AKAP9: variants seen among roughly 807,000 people sequenced by gnomAD.
AKAP9 encodes the protein A-kinase anchoring protein 9.
Under a neutral mutation model 488.5 loss-of-function variants are expected in AKAP9, and 311 were observed. The ratio of observed to expected loss-of-function variants is 0.64; its 90% CI spans 0.58 to 0.70. The LOEUF (loss-of-function observed/expected upper bound fraction) is 0.70, where lower values mean the gene tolerates loss of function less well. Ranked by LOEUF, AKAP9 falls within the 30% of genes least tolerant of loss-of-function variation. AKAP9 has a pLI of 0.00. For synonymous variants in AKAP9, 1,462 were observed against 1,483.5 expected (o/e 0.99, Z 0.33); for missense variants, 4,215 against 4,374.5 (o/e 0.96, Z 1.03).
intron 12 of AKAP9, among the ~76,000 whole-genome samples, chr7:92,021,620 G>C (rs1802325842): frequency 6.6e-6 from 1 of 151,936 alleles, no homozygotes; most frequent in Non-Finnish European, 1.5e-5. Flanking sequence ...TGTATTTTTA[G>C]TAGAGATGGG....
chr7:92,056,465 G>T (rs1307285672), intron 22 of AKAP9, among the ~76,000 whole-genome samples: 1 of 151,738 alleles, frequency 6.6e-6, no homozygotes, highest in Non-Finnish European at 1.5e-5. Flanking sequence ...AGCTGCAGCA[G>T]TGATAAGATT....
intron 22 of AKAP9, among the ~76,000 whole-genome samples, chr7:92,056,161 G>A (rs1453357730): frequency 6.6e-6 from 1 of 151,760 alleles, no homozygotes; most frequent in Admixed American, 6.6e-5. Flanking sequence ...TTACTTTTTT[G>A]AGTCCATTTT....
intron 1 of AKAP9, among the ~76,000 whole-genome samples, chr7:91,947,427 C>T (rs1791599805): frequency 6.6e-6 from 1 of 152,090 alleles, no homozygotes; most frequent in South Asian, 2.1e-4. Flanking sequence ...ACTGCAACCT[C>T]CACCTCCTGG....
At chr7:92,032,465 C>T (rs1023896520) in intron 16 of AKAP9, among the ~76,000 whole-genome samples, 12 of 145,964 alleles carry the variant, frequency 8.2e-5, no homozygotes, top group African/African-American at 3.1e-4. Flanking sequence ...CATTGTACTC[C>T]AGCTTGGCCA....
At chr7:92,046,238 GAA>G (rs1349595949) in intron 21 of AKAP9, among the ~76,000 whole-genome samples, 1 of 152,142 alleles carries the variant, frequency 6.6e-6, no homozygotes, top group Non-Finnish European at 1.5e-5. Context: ...CAAAAGAGGG[GAA>G]AAGTTTTGTG....
At chr7:92,026,922 T>C (rs1489146460) in intron 14 of AKAP9, among the ~76,000 whole-genome samples, 1 of 134,596 alleles carries the variant, frequency 7.4e-6, no homozygotes, top group Non-Finnish European at 1.6e-5. Context: ...GTCTGGGATG[T>C]GGGGAGCGCC....
chr7:91,974,040 A>G (rs1795383729), intron 2 of AKAP9, 72 bp downstream of exon 2: 4 of 1,560,750 alleles, frequency 2.6e-6, no homozygotes, highest in Non-Finnish European at 3.5e-6. Flanking sequence ...GTCATTAGCA[A>G]CTGTGCGCAA....
At chr7:92,017,166 C>G (rs1801628787) in intron 12 of AKAP9, 64 bp downstream of exon 12, 1 of 1,244,820 alleles carries the variant, frequency 8.0e-7, no homozygotes, top group Non-Finnish European at 1.1e-6. Context: ...TTTTTGTAAG[C>G]TGCTTTTATC....
chr7:92,061,639 A>G (rs962095056), intron 23 of AKAP9, among the ~76,000 whole-genome samples: 1 of 138,552 alleles, frequency 7.2e-6, no homozygotes, highest in African/African-American at 2.8e-5. Context: ...AAAAGAATTT[A>G]TAGAGTTACA....
Position 92,039,053 on chromosome 7 carries a change from G to A in AKAP9, c.4692+281G>A, listed in dbSNP as rs917643919. Among the ~76,000 whole-genome samples the A allele has an allele frequency of 4.6e-5, 7 of 152,014 alleles. No individual in the cohort carries two copies. In the South Asian group the frequency reaches 6.2e-4, roughly 14 times the overall value. Reference sequence around the variant, plus strand: ...CCTGAGTAACTGGGACTCCATGCGCGTGCCACCACATCCAGCTAATTTTTG... The same window carrying A: ...CCTGAGTAACTGGGACTCCATGCGCATGCCACCACATCCAGCTAATTTTTG... On this transcript the variant is annotated intron_variant, in intron 17 of 49. Transcript: ENST00000356239.
intron 1 of AKAP9, among the ~76,000 whole-genome samples, chr7:91,952,869 C>A (rs10280620): frequency 6.6e-6 from 1 of 151,846 alleles, no homozygotes; most frequent in Non-Finnish European, 1.5e-5. Flanking sequence ...ACCCAGGCTG[C>A]AGTGCAGTGG....
chr7:92,027,157 G>A (rs7776670), intron 14 of AKAP9, among the ~76,000 whole-genome samples: 4,587 of 142,310 alleles, frequency 0.032, 226 homozygotes, highest in African/African-American at 0.11. Flanking sequence ...AGTGAGGAGC[G>A]CCTCTGCCCA....
intron 12 of AKAP9, among the ~76,000 whole-genome samples, chr7:92,021,461 CAG>C (rs1046099637): frequency 2.2e-4 from 34 of 152,002 alleles, no homozygotes; most frequent in African/African-American, 8.2e-4. Flanking sequence ...TTTTTTGAGG[CAG>C]AGTCTTGCTC....
chr7:92,005,825 C>T (rs892583863), intron 8 of AKAP9, among the ~76,000 whole-genome samples: 12 of 151,634 alleles, frequency 7.9e-5, no homozygotes, highest in Middle Eastern at 3.2e-3. Flanking sequence ...ACCACCACCA[C>T]GCCTGGGTAA....
chr7:91,951,331 C>G (rs1301905717), intron 1 of AKAP9, among the ~76,000 whole-genome samples: 1 of 149,082 alleles, frequency 6.7e-6, no homozygotes, highest in East Asian at 1.9e-4. Flanking sequence ...TTTTTCTTTT[C>G]TTTCATTTTT....
intron 2 of AKAP9, among the ~76,000 whole-genome samples, chr7:91,979,393 G>A (rs750529279): frequency 3.9e-5 from 6 of 152,010 alleles, no homozygotes; most frequent in South Asian, 2.1e-4. Context: ...CACAAGAACC[G>A]TATGGGGGAA....
At chr7:91,993,709 CAG>C (rs931081844) in intron 5 of AKAP9, among the ~76,000 whole-genome samples, 3 of 152,212 alleles carry the variant, frequency 2.0e-5, no homozygotes, top group Non-Finnish European at 4.4e-5. Flanking sequence ...TAATATAACA[CAG>C]ACTCTTTTTT....
chr7:91,995,972 TA>T (rs1798356487), intron 7 of AKAP9, 172 bp downstream of exon 7: 1 of 622,890 alleles, frequency 1.6e-6, no homozygotes, highest in South Asian at 2.0e-5. Flanking sequence ...GTTTTTAAGA[TA>T]ATAGTCATTA....
intron 21 of AKAP9, among the ~76,000 whole-genome samples, chr7:92,047,804 G>A (rs866235262): frequency 1.3e-5 from 2 of 152,184 alleles, no homozygotes; most frequent in Admixed American, 6.5e-5. Context: ...AAGAAATATA[G>A]TGTATAGAAT....
Sources: gnomAD v4.1 joint callset for allele counts (sites outside exome capture counted in the v4.1 genomes callset) on GRCh38, gnomAD v4.1.1 for gene constraint, MANE v1.5 for transcripts, NCBI Gene and HGNC (gene_info 2026-07-23, HGNC 2026-07-21) for gene names.